WNT9B: variants seen among roughly 807,000 people sequenced by gnomAD.
WNT9B encodes Wnt family member 9B.
In WNT9B, 12 loss-of-function variants were observed where a neutral mutation model predicts 30.2. The observed-to-expected ratio is 0.40, with a 90% CI of 0.26 to 0.64. The LOEUF is 0.64. Among genes scored for constraint, WNT9B ranks in the 30% least tolerant of loss-of-function variants. WNT9B has a pLI of 0.42. For synonymous variants in WNT9B, 218 were observed against 216.9 expected (o/e 1.01, Z -0.05); for missense variants, 442 against 485.2 (o/e 0.91, Z 0.84).
rs752892527 is a variant in WNT9B, at chr17:46,876,270, C to T, written c.626C>T (p.Thr209Met). 22 of 1,612,590 alleles carry T rather than the reference C, an allele frequency of 1.4e-5. No homozygotes were observed. The highest frequency in any genetic ancestry group is 3.3e-5 in the South Asian group (3 of 90,880). Residue 209 changes from threonine to methionine, a missense_variant, in exon 4 of 4, where the codon ACG (threonine) becomes ATG (methionine). Coordinates refer to ENST00000290015, the MANE Select transcript of WNT9B (RefSeq NM_003396.3). Reference sequence around the variant, plus strand: ...GCTGTGAAGAGTGGCCTCAGGACCACGTGTAAGTGCCATGGCGTATCAGGC... The same window carrying T: ...GCTGTGAAGAGTGGCCTCAGGACCATGTGTAAGTGCCATGGCGTATCAGGC... ...IKAVKSGLRT[T>M]CKCHGVSGSC...
chr17:46,834,109 TGCTTGAGCCC>T (rs1263911592), intron 1 of WNT9B, among the ~76,000 whole-genome samples: 1 of 152,094 alleles, frequency 6.6e-6, no homozygotes, highest in Admixed American at 6.5e-5. Context: ...GGGAGAGGAT[TGCTTGAGCCC>T]AGGCATTTGA....
chr17:46,855,142 G>C (rs990149020), intron 1 of WNT9B, among the ~76,000 whole-genome samples: 1 of 152,180 alleles, frequency 6.6e-6, no homozygotes, highest in Non-Finnish European at 1.5e-5. Context: ...TTCCAGTCTG[G>C]GCCCTTCAAC....
At chr17:46,883,863 C>T (rs1381049068), downstream of WNT9B, among the ~76,000 whole-genome samples, 2 of 152,320 alleles carry the variant, frequency 1.3e-5, no homozygotes, top group South Asian at 2.1e-4. Flanking sequence ...GCCTCTCACG[C>T]GTCTTATCCC....
chr17:46,874,995 C>T, intron 2 of WNT9B, 106 bp from the exon 3 acceptor site: 1 of 1,566,456 alleles, frequency 6.4e-7, no homozygotes, highest in Non-Finnish European at 8.8e-7. Context: ...CACAGCGCTG[C>T]CACCACCGCC....
At chr17:46,870,323 C>A (rs766079121) in intron 1 of WNT9B, among the ~76,000 whole-genome samples, 1 of 152,222 alleles carries the variant, frequency 6.6e-6, no homozygotes, top group Non-Finnish European at 1.5e-5. Flanking sequence ...CCAGTCAAGG[C>A]GTGGCCTCCT....
At chr17:46,867,239 A>G (rs60947935) in intron 1 of WNT9B, among the ~76,000 whole-genome samples, 19,072 of 152,268 alleles carry the variant, frequency 0.13, 1,919 homozygotes, top group East Asian at 0.37. Context: ...CACATGGTAG[A>G]TGCTCACTAA....
At chr17:46,837,720 A>G (rs76260944) in intron 1 of WNT9B, among the ~76,000 whole-genome samples, 131 of 152,206 alleles carry the variant, frequency 8.6e-4, no homozygotes, top group African/African-American at 3.1e-3. Flanking sequence ...GTTTGGAGGG[A>G]TGGCTCATGG....
intron 1 of WNT9B, among the ~76,000 whole-genome samples, chr17:46,854,723 T>C (rs961793928): frequency 2.0e-5 from 3 of 152,124 alleles, no homozygotes; most frequent in Non-Finnish European, 4.4e-5. Flanking sequence ...TGCAGTGTCA[T>C]GATCTCGGCT....
intron 1 of WNT9B, among the ~76,000 whole-genome samples, chr17:46,864,069 C>T (rs2085090563): frequency 6.6e-6 from 1 of 152,232 alleles, no homozygotes; most frequent in African/African-American, 2.4e-5. Context: ...ACAAGGCATT[C>T]CCCAGAGGCC....
chr17:46,860,691 T>C (rs1207773218), intron 1 of WNT9B, among the ~76,000 whole-genome samples: 4 of 152,236 alleles, frequency 2.6e-5, no homozygotes, highest in Non-Finnish European at 5.9e-5. Flanking sequence ...GAGTCTTTGG[T>C]GGTGACATCT....
intron 1 of WNT9B, among the ~76,000 whole-genome samples, chr17:46,835,872 C>T (rs2084622391): frequency 6.6e-6 from 1 of 152,234 alleles, no homozygotes; most frequent in Non-Finnish European, 1.5e-5. Context: ...AGTTGAGCTA[C>T]CTTCACTAAA....
intron 1 of WNT9B, among the ~76,000 whole-genome samples, chr17:46,868,575 G>A (rs2085182402): frequency 6.6e-6 from 1 of 152,152 alleles, no homozygotes; most frequent in Non-Finnish European, 1.5e-5. Context: ...CAGCCTGGGT[G>A]ATGGAGTGAG....
At chr17:46,863,115 A>T (rs1325065572) in intron 1 of WNT9B, among the ~76,000 whole-genome samples, 1 of 518 alleles carries the variant, frequency 1.9e-3, no homozygotes. Context: ...TGGGCTAGGG[A>T]GGGCGTGGCA....
rs928108766 is a variant in WNT9B, at chr17:46,877,823, C to T, written c.*1105C>T. Among the ~76,000 whole-genome samples the T allele has an allele frequency of 3.9e-5, 6 of 152,206 alleles. No individual in the cohort carries two copies. Among genetic ancestry groups the T allele is most frequent in the Non-Finnish European group, 8.8e-5 (6 of 68,032 alleles). ...TGCTCATCTAGTTAAGGCTTTTGCCCTGGCTGGGGTTATAGGTGCTTGAGT... is the reference window on the plus strand; with the variant it reads ...TGCTCATCTAGTTAAGGCTTTTGCCTTGGCTGGGGTTATAGGTGCTTGAGT... On this transcript the variant is annotated 3_prime_UTR_variant, in exon 4 of 4. Coordinates refer to ENST00000290015, the MANE Select transcript of WNT9B (RefSeq NM_003396.3).
upstream of WNT9B, among the ~76,000 whole-genome samples, chr17:46,848,914 C>T (rs74877805): frequency 1.5e-3 from 229 of 148,392 alleles, no homozygotes; most frequent in African/African-American, 5.6e-3. Context: ...GAGCCAGGCC[C>T]GGCACATGTG....
chr17:46,848,931 T>TGC (rs536289374), upstream of WNT9B, among the ~76,000 whole-genome samples: 3,087 of 128,758 alleles, frequency 0.024, 36 homozygotes, highest in Middle Eastern at 0.081. Flanking sequence ...TGTGTGCACG[T>TGC]GCACACACAC....
intron 1 of WNT9B, among the ~76,000 whole-genome samples, chr17:46,837,216 C>G (rs1598823311): frequency 6.6e-6 from 1 of 152,218 alleles, no homozygotes; most frequent in Non-Finnish European, 1.5e-5. Flanking sequence ...GCTGGGATTA[C>G]AGGCGTGAGC....
chr17:46,852,800 C>A (rs1201831517), intron 1 of WNT9B, among the ~76,000 whole-genome samples: 1 of 152,046 alleles, frequency 6.6e-6, no homozygotes, highest in Non-Finnish European at 1.5e-5. Flanking sequence ...AAGTGACCTG[C>A]TAGAGGCTGC....
chr17:46,833,689 C>T (rs980169470), intron 1 of WNT9B, among the ~76,000 whole-genome samples: 9 of 152,186 alleles, frequency 5.9e-5, no homozygotes, highest in African/African-American at 2.2e-4. Context: ...AGCTTTGACT[C>T]AGTGCATGTG....
Sources: gnomAD v4.1 joint callset for allele counts (sites outside exome capture counted in the v4.1 genomes callset) on GRCh38, gnomAD v4.1.1 for gene constraint, MANE v1.5 for transcripts, NCBI Gene and HGNC (gene_info 2026-07-23, HGNC 2026-07-21) for gene names.